The following DNAH9 variants were observed in gnomAD, a reference collection of about 807,000 sequenced individuals.
The protein encoded by DNAH9 is DNAH9 variant protein.
DNAH9 carries 345 observed loss-of-function variants against 471.6 expected under a neutral mutation model. The ratio of observed to expected loss-of-function variants is 0.73; its 90% confidence interval spans 0.67 to 0.80. DNAH9 has a LOEUF of 0.80. Ranked by LOEUF, DNAH9 falls within the 30% of genes least tolerant of loss-of-function variation. The pLI, the probability that DNAH9 is intolerant of heterozygous loss-of-function variation, is 0.00. For synonymous variants in DNAH9, 2,093 were observed against 2,123.6 expected (o/e 0.99, Z 0.40); for missense variants, 5,407 against 5,609.2 (o/e 0.96, Z 1.15).
chr17:11,955,051 G>A (rs954403799), intron 67 of DNAH9, among the ~76,000 whole-genome samples: 2 of 152,188 alleles, frequency 1.3e-5, no homozygotes, highest in African/African-American at 2.4e-5. Flanking sequence ...TATTGTATAT[G>A]ATTCTTACAG....
At chr17:11,926,466 T>G (rs1414331275) in intron 62 of DNAH9, among the ~76,000 whole-genome samples, 1 of 152,148 alleles carries the variant, frequency 6.6e-6, no homozygotes, top group Non-Finnish European at 1.5e-5. Flanking sequence ...GTCCATGTGT[T>G]CTCATTGTTC....
intron 27 of DNAH9, 35 bp from the exon 28 acceptor site, chr17:11,727,783 C>G: frequency 7.0e-7 from 1 of 1,435,770 alleles, no homozygotes; most frequent in Non-Finnish European, 9.8e-7. Flanking sequence ...AAGCCTGGCC[C>G]GTTGGTAATT....
chr17:11,651,194 G>C lies in DNAH9; in HGVS notation c.2223G>C (p.Leu741Phe). 6.2e-7 allele frequency: 1 copy of C among 1,614,082 alleles called. No homozygotes were observed. Among genetic ancestry groups the C allele is most frequent in the Non-Finnish European group, 8.5e-7 (1 of 1,180,002 alleles). ...GGCAGCTTGTGGCTAATTTAGAGTT[G>C]ATGGCAAATTGGTACAACAAGGTTA... is the stretch of plus-strand genomic sequence containing the variant. ...FYRQLVANLE[L>F]MANWYNKVMK... Residue 741 changes from leucine to phenylalanine, a missense_variant, in exon 13 of 69, where the codon TTG (leucine) becomes TTC (phenylalanine). Physicochemically the swap from Leu to Phe is conservative, Grantham distance 22 (BLOSUM62 0). Around this residue, in one of 3 missense-constraint regions of DNAH9, gnomAD observed 4,636 missense variants for 4,900.3 expected, o/e 0.95. Coordinates refer to ENST00000262442, the MANE Select transcript of DNAH9 (RefSeq NM_001372.4).
Position 11,793,566 on chromosome 17 carries a change from C to T in DNAH9, c.8125C>T (p.His2709Tyr). Residue 2709 changes from histidine (H) to tyrosine (Y), a missense_variant, in exon 42 of 69, where the codon CAT (histidine) becomes TAT (tyrosine). By Grantham distance (83) the His-to-Tyr change is moderately conservative. Transcript: ENST00000262442. ...STWDLIRLYLHESNRVYRDKM... is the reference protein window; with the variant it reads ...STWDLIRLYLYESNRVYRDKM... The stretch of plus-strand genomic sequence containing the variant: ...ATGGGATCTTATAAGGCTCTATCTG[C>T]ATGAATCAAATCGAGTTTATCGGGA... 1 of 1,613,744 alleles carries T rather than the reference C, an allele frequency of 6.2e-7. No homozygotes were observed. The highest frequency in any genetic ancestry group is 8.5e-7 in the Non-Finnish European group (1 of 1,179,768).
At chr17:11,622,190 T>C (rs890948081) in intron 6 of DNAH9, among the ~76,000 whole-genome samples, 1 of 151,860 alleles carries the variant, frequency 6.6e-6, no homozygotes, top group Non-Finnish European at 1.5e-5. Context: ...AGAAAATCAG[T>C]TGTGAAACTG....
At chr17:11,779,574 CT>C (rs1968593295) in intron 38 of DNAH9, among the ~76,000 whole-genome samples, 1 of 152,156 alleles carries the variant, frequency 6.6e-6, no homozygotes, top group South Asian at 2.1e-4. Context: ...GCATAAAGAG[CT>C]TAATCAACCC....
intron 56 of DNAH9, chr17:11,884,509 C>A: frequency 2.2e-6 from 1 of 454,382 alleles, no homozygotes; most frequent in East Asian, 6.9e-5. Flanking sequence ...AACAATATAC[C>A]TTTGACGGAA....
At chr17:11,899,856 CA>C (rs1442740552) in intron 59 of DNAH9, among the ~76,000 whole-genome samples, 3 of 152,152 alleles carry the variant, frequency 2.0e-5, no homozygotes, top group Non-Finnish European at 4.4e-5. Flanking sequence ...ATTAACTGAG[CA>C]TTTCCTAAGT....
chr17:11,797,293 T>A (rs948406006), intron 42 of DNAH9, among the ~76,000 whole-genome samples: 4 of 152,152 alleles, frequency 2.6e-5, no homozygotes, highest in African/African-American at 4.8e-5. Flanking sequence ...AATCCACCCA[T>A]CCATCCCCAT....
At chr17:11,883,241 T>C (rs1290700188) in intron 55 of DNAH9, 3 of 1,024,034 alleles carry the variant, frequency 2.9e-6, no homozygotes, top group Non-Finnish European at 3.5e-6. Context: ...GAACTAAAAC[T>C]GGACCCTAAC....
intron 6 of DNAH9, 26 bp downstream of exon 6, chr17:11,619,807 G>T: frequency 7.2e-7 from 1 of 1,391,976 alleles, no homozygotes; most frequent in Middle Eastern, 1.8e-4. Context: ...ACCTCAGGCT[G>T]CCAGCCCCAG....
At chr17:11,709,991 C>T (rs749665476) in intron 26 of DNAH9, among the ~76,000 whole-genome samples, 3 of 152,082 alleles carry the variant, frequency 2.0e-5, no homozygotes, top group Non-Finnish European at 4.4e-5. Context: ...TTAAGTTTTT[C>T]TCTCATGTTT....
At position 11,719,471 on chromosome 17, in the gene DNAH9, C is replaced by T. The variant is rs771975578; in HGVS notation, c.5690C>T (p.Ser1897Leu). The change falls in exon 27 of 69, where the codon TCG becomes TTG. Residue 1897 changes from serine (S) to leucine (L), a missense_variant. Ser to Leu is a moderately radical substitution (Grantham distance 145, BLOSUM62 -2). Coordinates refer to ENST00000262442, the MANE Select transcript of DNAH9 (RefSeq NM_001372.4). ...ATCCTGGTCTATGTGTTCAACTGCTCGGAGCAGATGGATTACAAGGTACAG... is the reference window on the plus strand; with the variant it reads ...ATCCTGGTCTATGTGTTCAACTGCTTGGAGCAGATGGATTACAAGGTACAG... ...LGILVYVFNCSEQMDYKSCGN... is the reference protein window; with the variant it reads ...LGILVYVFNCLEQMDYKSCGN... 5 of 1,612,722 alleles carry T rather than the reference C, an allele frequency of 3.1e-6. No individual in the cohort carries two copies. Among genetic ancestry groups the T allele is most frequent in the African/African-American group, 1.3e-5 (1 of 74,858 alleles).
intron 57 of DNAH9, among the ~76,000 whole-genome samples, chr17:11,891,358 T>G (rs189517982): frequency 6.9e-5 from 10 of 145,938 alleles, no homozygotes; most frequent in South Asian, 6.2e-4. Flanking sequence ...ATTTCTTTGG[T>G]TTTTTTTGTT....
At chr17:11,631,371 G>T (rs1458387173) in intron 7 of DNAH9, among the ~76,000 whole-genome samples, 1 of 152,102 alleles carries the variant, frequency 6.6e-6, no homozygotes, top group Non-Finnish European at 1.5e-5. Context: ...AATCTTAGTT[G>T]GCCAGACCCA....
At chr17:11,673,673 A>C (rs1435225009) in intron 17 of DNAH9, among the ~76,000 whole-genome samples, 1 of 151,002 alleles carries the variant, frequency 6.6e-6, no homozygotes, top group Non-Finnish European at 1.5e-5. Flanking sequence ...AATATAACAT[A>C]CATACAATTT....
chr17:11,709,857 A>G (rs1284232777), intron 26 of DNAH9, among the ~76,000 whole-genome samples: 2 of 152,106 alleles, frequency 1.3e-5, no homozygotes, highest in Non-Finnish European at 2.9e-5. Flanking sequence ...ACTGCTTATC[A>G]ATGTTGAGTA....
chr17:11,618,706 G>A (rs1415599527), intron 5 of DNAH9, among the ~76,000 whole-genome samples: 1 of 151,940 alleles, frequency 6.6e-6, no homozygotes, highest in Admixed American at 6.6e-5. Flanking sequence ...AAGTAACTAA[G>A]AATAACTAAC....
At chr17:11,674,144 G>T (rs924066472) in intron 17 of DNAH9, among the ~76,000 whole-genome samples, 2 of 152,100 alleles carry the variant, frequency 1.3e-5, no homozygotes, top group Admixed American at 1.3e-4. Flanking sequence ...GTTTCCAGTG[G>T]TTTTGCTCTT....
Sources: allele counts gnomAD v4.1 joint callset (sites outside exome capture counted in the v4.1 genomes callset), GRCh38; gene constraint gnomAD v4.1.1; regional missense constraint gnomAD v4.1.1; transcripts MANE v1.5; gene names NCBI Gene and HGNC (gene_info 2026-07-23, HGNC 2026-07-21).